KANTR: variants seen among roughly 807,000 people sequenced by gnomAD.
KANTR encodes the protein KANTR integral membrane protein.
downstream of KANTR, chrX:53,127,489 G>A (rs1052931577): frequency 8.9e-6 from 1 of 112,201 alleles, no homozygotes; most frequent in African/African-American, 3.2e-5. Context: ...AGAAATAAAG[G>A]CCTTGAGGAG....
intron 2 of KANTR, among the ~76,000 whole-genome samples, chrX:53,102,951 A>C (rs191804642): frequency 1.9e-5 from 2 of 102,569 alleles, no homozygotes; most frequent in East Asian, 6.1e-4. Flanking sequence ...CACCTCAGCT[A>C]CCTACTCCAA....
rs782645258 is a variant in KANTR at position 53,100,475 on chromosome X, C to T, written c.-805+867C>T. Among the ~76,000 whole-genome samples, 33 of 95,607 alleles carry T rather than the reference C, an allele frequency of 3.5e-4. No individual in the cohort carries two copies. In the South Asian group the frequency reaches 8.1e-3, roughly 23 times the overall value. The allele number at this position is 95,607 out of a possible 115,157, so 83.0% of individuals were successfully genotyped here. On this transcript the variant is annotated intron_variant, in intron 2 of 2. Coordinates refer to ENST00000604062, the Ensembl canonical transcript of KANTR. ...AGCCTGGGCAATAAGAGTGAAACTC[C>T]GTCTCAAAAAAAAAAAAGAAAAGAA...
chrX:53,096,969 T>C (rs987102434), intron 1 of KANTR, among the ~76,000 whole-genome samples: 1 of 110,255 alleles, frequency 9.1e-6, no homozygotes, highest in African/African-American at 3.3e-5. Flanking sequence ...TCTCTACTAA[T>C]AATACAAAAA....
At chrX:53,123,819 TG>T in exon 3 of KANTR, 1 of 112,334 alleles carries the variant, frequency 8.9e-6, no homozygotes, top group Middle Eastern at 4.6e-3. Flanking sequence ...GCACATTTAC[TG>T]CAGAGCTGGA....
chrX:53,145,677 AT>A (rs201176257), downstream of KANTR, among the ~76,000 whole-genome samples: 521 of 112,119 alleles, frequency 4.6e-3, 3 homozygotes, highest in East Asian at 0.028. Flanking sequence ...GCAGCTGGAG[AT>A]CTGAGAATGG....
chrX:53,102,989 T>G (rs936126586), intron 2 of KANTR, among the ~76,000 whole-genome samples: 8 of 103,685 alleles, frequency 7.7e-5, no homozygotes, highest in Non-Finnish European at 7.9e-5. Context: ...TGTTTGTTTT[T>G]TTTTTTTTTT....
chrX:53,146,658 A>T (rs1262046876), downstream of KANTR, among the ~76,000 whole-genome samples: 1 of 111,291 alleles, frequency 9.0e-6, no homozygotes, highest in Non-Finnish European at 1.9e-5. Flanking sequence ...CAACTCCAAG[A>T]CACATAATTG....
intron 2 of KANTR, among the ~76,000 whole-genome samples, chrX:53,118,550 C>T (rs193299400): frequency 9.0e-6 from 1 of 110,753 alleles, no homozygotes; most frequent in East Asian, 2.8e-4. Context: ...CACTTGAGCC[C>T]AGGAGTTCGA....
chrX:53,106,234 G>A (rs1670761166), intron 2 of KANTR, among the ~76,000 whole-genome samples: 1 of 110,120 alleles, frequency 9.1e-6, no homozygotes, highest in African/African-American at 3.4e-5. Context: ...TTAATGTACA[G>A]TAGGTTTTAA....
chrX:53,139,487 A>T (rs191517291), intron 2 of KANTR, among the ~76,000 whole-genome samples: 255 of 111,543 alleles, frequency 2.3e-3, no homozygotes, highest in African/African-American at 8.0e-3. Context: ...CCAACAAGGG[A>T]TTTGATACCT....
rs1193441314 is a variant in KANTR at position 53,110,597 on chromosome X, G to C, written c.-805+10989G>C. On this transcript the variant is annotated intron_variant, in intron 2 of 2. Coordinates refer to ENST00000604062, the Ensembl canonical transcript of KANTR. ...AATTTTCTTTTCCTCTAGTGTCATT[G>C]TCTGGCTTTGGTATCGGGGTAATGC... 7.2e-5 allele frequency among the ~76,000 whole-genome samples: 8 copies of C among 111,760 alleles called. No individual in the cohort carries two copies. The Admixed American group carries it at 7.6e-4, about 11-fold the overall frequency.
At chrX:53,143,916 C>G, downstream of KANTR, 1 of 374,767 alleles carries the variant, frequency 2.7e-6, no homozygotes. Context: ...ATTTCCATTG[C>G]AACCTGTGGA....
chrX:53,095,175 G>T (rs1428575091), intron 1 of KANTR, among the ~76,000 whole-genome samples: 1 of 111,950 alleles, frequency 8.9e-6, no homozygotes, highest in Non-Finnish European at 1.9e-5. Flanking sequence ...CCAAAGTTGG[G>T]AGCAACTTAG....
downstream of KANTR, among the ~76,000 whole-genome samples, chrX:53,146,784 T>G (rs1656797587): frequency 8.9e-6 from 1 of 111,832 alleles, no homozygotes; most frequent in African/African-American, 3.3e-5. Flanking sequence ...TGGCAGAAAC[T>G]CTACAAGCCA....
At chrX:53,107,668 T>C in intron 2 of KANTR, among the ~76,000 whole-genome samples, 1 of 109,868 alleles carries the variant, frequency 9.1e-6, no homozygotes, top group Admixed American at 9.7e-5. Flanking sequence ...TTATTCTTTT[T>C]GATACTACTT....
chrX:53,109,928 A>G (rs1933007783), intron 2 of KANTR, among the ~76,000 whole-genome samples: 1 of 107,996 alleles, frequency 9.3e-6, no homozygotes, highest in Non-Finnish European at 1.9e-5. Context: ...TAAGTTTTAT[A>G]TTTTTTAGTA....
chrX:53,119,629 A>G (rs1436927526), intron 2 of KANTR, among the ~76,000 whole-genome samples: 1 of 112,268 alleles, frequency 8.9e-6, no homozygotes, highest in African/African-American at 3.2e-5. Context: ...CCTTGCCTTC[A>G]TAATAAATCT....
At chrX:53,115,487 C>T (rs1556814435) in intron 2 of KANTR, among the ~76,000 whole-genome samples, 1 of 112,276 alleles carries the variant, frequency 8.9e-6, no homozygotes, top group Non-Finnish European at 1.9e-5. Context: ...TGGGGGCTAG[C>T]CTGGCACTGG....
At chrX:53,096,547 C>T (rs910305872) in intron 1 of KANTR, among the ~76,000 whole-genome samples, 2 of 112,298 alleles carry the variant, frequency 1.8e-5, no homozygotes, top group Non-Finnish European at 3.8e-5. Context: ...CAAACAGGGC[C>T]GGGTGTGATG....
Sources: gnomAD v4.1 joint callset for allele counts (sites outside exome capture counted in the v4.1 genomes callset) on GRCh38, gnomAD v4.1.1 for gene constraint, MANE v1.5 for transcripts, NCBI Gene and HGNC (gene_info 2026-07-23, HGNC 2026-07-21) for gene names.